The following MDM1 variants were observed in gnomAD, a reference collection of about 807,000 sequenced individuals.
MDM1 encodes the protein Mdm1 nuclear protein.
In MDM1, 61 loss-of-function variants were observed where a neutral mutation model predicts 89.1. The observed-to-expected ratio is 0.68, with a 90% CI of 0.56 to 0.85. The LOEUF is 0.85. MDM1 is among the 40% of genes least tolerant of loss of function. MDM1 has a pLI of 0.00. For synonymous variants in MDM1, 290 were observed against 294.1 expected (o/e 0.99, Z 0.14); for missense variants, 820 against 846.5 (o/e 0.97, Z 0.39).
At chr12:68,316,542 T>G (rs1874528020) in intron 8 of MDM1, 39 bp downstream of exon 8, 2 of 1,484,820 alleles carry the variant, frequency 1.3e-6, no homozygotes, top group South Asian at 2.5e-5. Context: ...ACACAAGTAA[T>G]CTATGATTAT....
In MDM1 at chr12:68,295,206, A is replaced by C. The variant is rs747540676; in HGVS notation, c.*48T>G. Reference sequence around the variant, plus strand: ...AAAATTTTAACACAGTAAGCAATAAAGAAAAATTATGCCAATGTTTCCTTA... The same window carrying C: ...AAAATTTTAACACAGTAAGCAATAACGAAAAATTATGCCAATGTTTCCTTA... On this transcript the variant is annotated 3_prime_UTR_variant, in exon 15 of 15. Transcript: ENST00000682720. 1.4e-5 allele frequency: 18 copies of C among 1,285,196 alleles called. No individual in the cohort carries two copies. The South Asian group carries it at 2.4e-4, about 17-fold the overall frequency. The allele number at this position is 1,285,196 out of a possible 1,614,324, so 79.6% of individuals were successfully genotyped here. A position where few individuals can be genotyped will look rare whatever the true frequency, so the allele number is the denominator to read the frequency against.
In MDM1 at chr12:68,321,575, G is replaced by A; in HGVS notation, c.855C>T (p.Asp285=). 1 of 1,613,160 alleles carries A rather than the reference G, an allele frequency of 6.2e-7. No homozygotes were observed. The highest frequency in any genetic ancestry group is 8.5e-7 in the Non-Finnish European group (1 of 1,179,780). Residue 285 remains aspartate, a synonymous_variant, in exon 6 of 15, where the codon GAC becomes GAT. Transcript: ENST00000682720. ...TAAGCTTCCTTTTAGGCTGGTGTAA[G>A]TCTTTTAATTCCATCTCTGCTTCCA... ...LKLEAEMELK[D]LHQPKRKLTP...
chr12:68,313,705 G>A lies in MDM1; in HGVS notation c.1578C>T (p.Pro526=), dbSNP rs1222541861. 1.2e-6 allele frequency: 2 copies of A among 1,614,066 alleles called. No homozygotes were observed. The highest frequency in any genetic ancestry group is 1.7e-6 in the Non-Finnish European group (2 of 1,180,036). Residue 526 remains proline (P), a synonymous_variant, in exon 11 of 15, where the codon CCC becomes CCT. Coordinates refer to ENST00000682720, the MANE Select transcript of MDM1 (RefSeq NM_001354969.2). ...GGATTCCACCAAGTTCTCTCAGCTT[G>A]GGAGTAGGAAGCCGGCCTCCTTTTT... is the stretch of plus-strand genomic sequence containing the variant. The part of the protein sequence containing the change: ...SSEKGGRLPT[P]KLRELGGIQR...
In MDM1 at chr12:68,295,045, G is replaced by A. The variant is rs1015147621; in HGVS notation, c.*209C>T. 2.1e-5 allele frequency: 7 copies of A among 330,282 alleles called. No homozygotes were observed. Among genetic ancestry groups the A allele is most frequent in the Non-Finnish European group, 3.9e-5 (7 of 177,310 alleles). 20.5% of individuals were successfully genotyped at this position (330,282 alleles called of 1,614,324 possible). On this transcript the variant is annotated 3_prime_UTR_variant, in exon 15 of 15. Coordinates refer to ENST00000682720, the MANE Select transcript of MDM1 (RefSeq NM_001354969.2). ...GAAGAATTCAATAATCTAGGTCTTTGTACTCTGGGATAGATGTAAAAAGAA... is the reference window on the plus strand; with the variant it reads ...GAAGAATTCAATAATCTAGGTCTTTATACTCTGGGATAGATGTAAAAAGAA...
intron 2 of MDM1, chr12:68,327,577 T>C: frequency 3.4e-6 from 5 of 1,461,926 alleles, no homozygotes; most frequent in Non-Finnish European, 4.6e-6. Context: ...TATTTCTGTA[T>C]GGAAAGCAAA....
intron 12 of MDM1, 117 bp from the exon 13 acceptor site, chr12:68,302,989 A>C: frequency 7.4e-6 from 6 of 805,950 alleles, no homozygotes; most frequent in East Asian, 2.8e-5. Context: ...AATATGAGAG[A>C]ATTTATGCAA....
intron 7 of MDM1, among the ~76,000 whole-genome samples, chr12:68,318,063 C>T (rs1490596026): frequency 6.6e-6 from 1 of 152,172 alleles, no homozygotes; most frequent in Non-Finnish European, 1.5e-5. Context: ...CACAACCTGT[C>T]CTGAGTGCAG....
chr12:68,296,776 A>G (rs1871450247), intron 14 of MDM1, 147 bp downstream of exon 14: 1 of 481,392 alleles, frequency 2.1e-6, no homozygotes, highest in Non-Finnish European at 3.5e-6. Flanking sequence ...AATGGGGGTA[A>G]TTTCACTCCC....
chr12:68,296,302 A>G (rs768840597), intron 14 of MDM1, among the ~76,000 whole-genome samples: 5 of 152,248 alleles, frequency 3.3e-5, no homozygotes, highest in Admixed American at 2.6e-4. Context: ...GTTTGAGACC[A>G]TCCTGGCCAA....
intron 4 of MDM1, 32 bp from the exon 5 acceptor site, chr12:68,323,272 G>GCCCATAT: frequency 6.7e-7 from 1 of 1,490,170 alleles, no homozygotes; most frequent in Admixed American, 2.4e-5. Context: ...GTTTAGTTTT[G>GCCCATAT]TTGATTAAAT....
chr12:68,296,041 G>A (rs1011405723), intron 14 of MDM1, among the ~76,000 whole-genome samples: 1 of 152,082 alleles, frequency 6.6e-6, no homozygotes, highest in Non-Finnish European at 1.5e-5. Flanking sequence ...CGGAAAGAAA[G>A]TCTTTAATGT....
intron 12 of MDM1, among the ~76,000 whole-genome samples, chr12:68,304,030 C>T (rs1872563363): frequency 6.6e-6 from 1 of 152,030 alleles, no homozygotes; most frequent in African/African-American, 2.4e-5. Flanking sequence ...AAGAATTGCT[C>T]GAGCTGGGGA....
chr12:68,310,914 A>G (rs76836287), intron 12 of MDM1, among the ~76,000 whole-genome samples: 1,663 of 152,284 alleles, frequency 0.011, 26 homozygotes, highest in African/African-American at 0.038. Flanking sequence ...CATTACTGGT[A>G]ACTGCAACCT....
intron 2 of MDM1, among the ~76,000 whole-genome samples, chr12:68,328,225 C>G (rs1450439375): frequency 6.6e-6 from 1 of 152,216 alleles, no homozygotes; most frequent in Admixed American, 6.5e-5. Context: ...TTAGAAATAA[C>G]AAAGCAACAG....
chr12:68,313,748 T>C lies in MDM1; in HGVS notation c.1535A>G (p.Asp512Gly). 1 of 1,609,904 alleles carries C rather than the reference T, an allele frequency of 6.2e-7. No individual in the cohort carries two copies. Among genetic ancestry groups the C allele is most frequent in the Non-Finnish European group, 8.5e-7 (1 of 1,176,366 alleles). ...SKADKMKEGS[D>G]SSVSSEKGGR... Reference sequence around the variant, plus strand: ...TCCTTTTTCTGAGGATACAGAAGAATCTGACCTATAAATTGAAACAATCTA... The same window carrying C: ...TCCTTTTTCTGAGGATACAGAAGAACCTGACCTATAAATTGAAACAATCTA... The change falls in exon 11 of 15, where the codon GAT becomes GGT. Residue 512 changes from aspartate to glycine, a missense_variant. Asp to Gly is a moderately conservative substitution (Grantham distance 94). Coordinates refer to ENST00000682720, the MANE Select transcript of MDM1 (RefSeq NM_001354969.2).
chr12:68,315,851 A>G (rs76131443), intron 9 of MDM1, among the ~76,000 whole-genome samples: 4,174 of 152,294 alleles, frequency 0.027, 183 homozygotes, highest in African/African-American at 0.096. Context: ...AACAAAAAAT[A>G]TTATAAAAAT....
At position 68,316,191 on chromosome 12, in the gene MDM1, A is replaced by G; in HGVS notation, c.1098T>C (p.Ser366=). 1.2e-6 allele frequency: 2 copies of G among 1,614,138 alleles called. No homozygotes were observed. Among genetic ancestry groups the G allele is most frequent in the Non-Finnish European group, 1.7e-6 (2 of 1,180,006 alleles). ...YRKRVQGTHF[S]RDHLNQILSD... is the part of the protein sequence containing the mutation. ...ATAAAATCTGATTCAGATGGTCCCG[A>G]GAAAAATGCGTCCCCTGAACTCGCT... The change falls in exon 9 of 15, where the codon TCT becomes TCC. Residue 366 remains serine, a synonymous_variant. Transcript: ENST00000682720.
intron 13 of MDM1, among the ~76,000 whole-genome samples, chr12:68,300,752 C>G (rs975020712): frequency 6.6e-6 from 1 of 152,142 alleles, no homozygotes; most frequent in Non-Finnish European, 1.5e-5. Flanking sequence ...CTAGACAGAT[C>G]GTTAAGACAG....
At chr12:68,312,069 T>A (rs1873770933) in intron 12 of MDM1, among the ~76,000 whole-genome samples, 1 of 152,090 alleles carries the variant, frequency 6.6e-6, no homozygotes, top group Non-Finnish European at 1.5e-5. Context: ...AACTTCCCAA[T>A]ATCAAAAAAC....
Sources: gnomAD v4.1 joint callset for allele counts (sites outside exome capture counted in the v4.1 genomes callset) on GRCh38, gnomAD v4.1.1 for gene constraint, MANE v1.5 for transcripts, NCBI Gene and HGNC (gene_info 2026-07-23, HGNC 2026-07-21) for gene names.